CDYL: variants seen among roughly 807,000 people sequenced by gnomAD.
CDYL encodes the protein chromodomain Y like.
A neutral mutation model predicts 47.3 loss-of-function variants in CDYL; 8 were observed. The observed-to-expected ratio is 0.17, with a 90% CI of 0.10 to 0.31. The LOEUF is 0.31. Among genes scored for constraint, CDYL ranks in the 10% least tolerant of loss-of-function variants. CDYL has a pLI of 1.00. For synonymous variants in CDYL, 266 were observed against 265.0 expected (o/e 1.00, Z -0.04); for missense variants, 471 against 701.4 (o/e 0.67, Z 3.71).
intron 5 of CDYL, among the ~76,000 whole-genome samples, chr6:4,947,629 C>T (rs1463796714): frequency 6.7e-6 from 1 of 149,764 alleles, no homozygotes; most frequent in Non-Finnish European, 1.5e-5. Flanking sequence ...GCTGGGGAGC[C>T]GTGCAGTTTC....
chr6:4,789,584 G>A (rs1318421120), intron 1 of CDYL, among the ~76,000 whole-genome samples: 1 of 152,184 alleles, frequency 6.6e-6, no homozygotes, highest in Non-Finnish European at 1.5e-5. Flanking sequence ...TCCTTGAGGA[G>A]CTCTGCAGTG....
At chr6:4,794,520 G>T (rs977949808) in intron 1 of CDYL, among the ~76,000 whole-genome samples, 1 of 152,222 alleles carries the variant, frequency 6.6e-6, no homozygotes, top group South Asian at 2.1e-4. Context: ...AGGCTCCGGG[G>T]TTTGTTTGCT....
intron 3 of CDYL, among the ~76,000 whole-genome samples, chr6:4,770,854 G>T (rs1004999276): frequency 6.6e-6 from 1 of 152,114 alleles, no homozygotes; most frequent in African/African-American, 2.4e-5. Flanking sequence ...CTTTGCAGGG[G>T]TTTGTTACCT....
intron 2 of CDYL, among the ~76,000 whole-genome samples, chr6:4,730,140 A>G (rs1356557005): frequency 1.3e-5 from 2 of 152,170 alleles, no homozygotes; most frequent in African/African-American, 4.8e-5. Flanking sequence ...TGAGATTACA[A>G]ACCTTTGCTG....
chr6:4,884,581 G>A (rs80179647), intron 1 of CDYL, among the ~76,000 whole-genome samples: 3,495 of 152,250 alleles, frequency 0.023, 141 homozygotes, highest in African/African-American at 0.08. Context: ...GAGAGTGAGC[G>A]CATTTGTGGT....
At chr6:4,759,647 C>T (rs967709264) in intron 3 of CDYL, among the ~76,000 whole-genome samples, 10 of 151,168 alleles carry the variant, frequency 6.6e-5, no homozygotes, top group Non-Finnish European at 1.2e-4. Flanking sequence ...TCTGGGAGGC[C>T]GAGGTGGGTG....
At chr6:4,734,671 G>A in intron 2 of CDYL, 7 of 1,555,128 alleles carry the variant, frequency 4.5e-6, no homozygotes, top group Non-Finnish European at 6.1e-6. Context: ...CACAGGGATG[G>A]GAAGTTGGGG....
In CDYL at chr6:4,943,603, C is replaced by T. The variant is rs78545686; in HGVS notation, c.1179C>T (p.Gly393=). 1,062 of 1,613,480 alleles carry T rather than the reference C, an allele frequency of 6.6e-4. 10 individuals carry two copies. The African/African-American group carries it at 0.013, about 19-fold the overall frequency. Residue 393 remains glycine, a synonymous_variant, in exon 5 of 7, where the codon GGC becomes GGT. Transcript: ENST00000397588. Reference sequence around the variant, plus strand: ...AGCCCATTATTGTAGCAGTCAATGGCCCAGCCATTGGTCTAGGAGCATCTA... The same window carrying T: ...AGCCCATTATTGTAGCAGTCAATGGTCCAGCCATTGGTCTAGGAGCATCTA... ...FKKPIIVAVN[G]PAIGLGASIL...
chr6:4,801,138 C>T (rs1255053200), intron 1 of CDYL, among the ~76,000 whole-genome samples: 1 of 152,190 alleles, frequency 6.6e-6, no homozygotes, highest in South Asian at 2.1e-4. Flanking sequence ...CAGAACCAAG[C>T]ATCAATCCGT....
At chr6:4,929,981 T>C (rs560006331) in intron 2 of CDYL, among the ~76,000 whole-genome samples, 1 of 152,274 alleles carries the variant, frequency 6.6e-6, no homozygotes, top group Non-Finnish European at 1.5e-5. Flanking sequence ...GGCAGGAAAT[T>C]GTTAGTTGTA....
chr6:4,894,855 G>A (rs199879122), intron 2 of CDYL, among the ~76,000 whole-genome samples: 1 of 91,482 alleles, frequency 1.1e-5, no homozygotes, highest in African/African-American at 3.6e-5. Context: ...GTGTGTGTGT[G>A]TATATGTGTA....
intron 2 of CDYL, among the ~76,000 whole-genome samples, chr6:4,897,235 A>G (rs373364414): frequency 1.1e-4 from 17 of 152,386 alleles, no homozygotes; most frequent in East Asian, 5.8e-4. Context: ...AGAAAATGCT[A>G]TTAGCAAACT....
At chr6:4,832,106 C>A (rs1183089571) in intron 1 of CDYL, among the ~76,000 whole-genome samples, 1 of 151,826 alleles carries the variant, frequency 6.6e-6, no homozygotes, top group African/African-American at 2.4e-5. Context: ...GAACTTCCAA[C>A]ACTATGTTGA....
chr6:4,802,237 G>GA (rs112012887), intron 1 of CDYL, among the ~76,000 whole-genome samples: 22,911 of 150,084 alleles, frequency 0.15, 1,915 homozygotes, highest in African/African-American at 0.23. Flanking sequence ...TTAGATCATT[G>GA]AAAAAAAAAT....
intron 1 of CDYL, among the ~76,000 whole-genome samples, chr6:4,708,577 G>A (rs1450350573): frequency 6.6e-6 from 1 of 152,050 alleles, no homozygotes; most frequent in African/African-American, 2.4e-5. Context: ...GTATTGGTAG[G>A]TGTTATATGT....
At chr6:4,852,415 A>G (rs1164827577) in intron 1 of CDYL, among the ~76,000 whole-genome samples, 1 of 80,942 alleles carries the variant, frequency 1.2e-5, no homozygotes, top group African/African-American at 5.5e-5. Context: ...CTTCCTTCCA[A>G]TCTTCCTTCC....
intron 3 of CDYL, among the ~76,000 whole-genome samples, chr6:4,752,630 A>T (rs777104904): frequency 1.1e-4 from 17 of 152,308 alleles, no homozygotes; most frequent in Admixed American, 3.3e-4. Context: ...TGTTATCCTG[A>T]AAGGCCAAAT....
chr6:4,746,426 A>G (rs192896564), intron 3 of CDYL, among the ~76,000 whole-genome samples: 6 of 152,068 alleles, frequency 3.9e-5, no homozygotes, highest in Non-Finnish European at 7.4e-5. Flanking sequence ...GATGACTTCA[A>G]TGAAGGAAAT....
intron 1 of CDYL, among the ~76,000 whole-genome samples, chr6:4,853,522 C>G (rs1035197355): frequency 6.6e-6 from 1 of 152,032 alleles, no homozygotes; most frequent in Non-Finnish European, 1.5e-5. Flanking sequence ...TCCTCCCTTC[C>G]TCTCCCATTT....
Sources: allele counts gnomAD v4.1 joint callset (sites outside exome capture counted in the v4.1 genomes callset), GRCh38; gene constraint gnomAD v4.1.1; transcripts MANE v1.5; gene names NCBI Gene and HGNC (gene_info 2026-07-23, HGNC 2026-07-21).